Variants in PTPN5 observed in about 807,000 individuals in gnomAD.
The protein encoded by PTPN5 is protein tyrosine phosphatase non-receptor type 5.
A neutral mutation model predicts 73.9 loss-of-function variants in PTPN5; 29 were observed. That is an observed-to-expected ratio of 0.39 (90% confidence interval 0.29 to 0.54). The LOEUF (loss-of-function observed/expected upper bound fraction) is 0.54. Ranked by LOEUF, PTPN5 falls within the 20% of genes least tolerant of loss-of-function variation. PTPN5 has a pLI of 0.65. For missense variants in PTPN5, 652 were observed against 751.4 expected (o/e 0.87, Z 1.55); for synonymous variants, 267 against 304.7 (o/e 0.88, Z 1.29).
At position 18,772,075 on chromosome 11, in the gene PTPN5, G is replaced by T; in HGVS notation, c.-113-4C>A. ...AGGGCAGCTTCAGATCATCCAGCTG[G>T]GAAAACGGGGCAAAGAGAGATTAAG... is the stretch of plus-strand genomic sequence containing the variant. On this transcript the variant is annotated splice_polypyrimidine_tract_variant and splice_region_variant and intron_variant, in intron 1 of 14. Coordinates refer to ENST00000358540, the MANE Select transcript of PTPN5 (RefSeq NM_006906.2). 1.4e-6 allele frequency: 1 copy of T among 719,574 alleles called. No individual in the cohort carries two copies. Among genetic ancestry groups the T allele is most frequent in the Non-Finnish European group, 2.3e-6 (1 of 442,758 alleles). 44.6% of individuals were successfully genotyped at this position (719,574 alleles called of 1,614,324 possible).
intron 9 of PTPN5, among the ~76,000 whole-genome samples, chr11:18,734,188 G>GT (rs1849014897): frequency 6.6e-6 from 1 of 152,242 alleles, no homozygotes. Flanking sequence ...ATAAAGGGCT[G>GT]TTAAGATTCG....
At chr11:18,791,382 G>T (rs1166238093) in intron 1 of PTPN5, 143 bp downstream of exon 1, 1 of 152,262 alleles carries the variant, frequency 6.6e-6, no homozygotes, top group African/African-American at 2.4e-5. Context: ...AGAGCCCCAC[G>T]GGGGCGTGGC....
intron 4 of PTPN5, 51 bp from the exon 5 acceptor site, chr11:18,743,480 G>A: frequency 2.0e-6 from 3 of 1,536,926 alleles, no homozygotes; most frequent in Non-Finnish European, 2.7e-6. Context: ...CTTCCCCCGT[G>A]TTCCCCCAGC....
At chr11:18,767,361 C>T (rs1850688435) in intron 2 of PTPN5, among the ~76,000 whole-genome samples, 1 of 152,212 alleles carries the variant, frequency 6.6e-6, no homozygotes, top group African/African-American at 2.4e-5. Context: ...CTCTGAGAAT[C>T]ACAAGTCCTA....
At chr11:18,790,765 G>A (rs1210183392) in intron 1 of PTPN5, among the ~76,000 whole-genome samples, 1 of 152,102 alleles carries the variant, frequency 6.6e-6, no homozygotes, top group Non-Finnish European at 1.5e-5. Flanking sequence ...GCATGAGTAT[G>A]AAAACCAGGA....
intron 1 of PTPN5, among the ~76,000 whole-genome samples, chr11:18,789,302 C>T (rs1212689122): frequency 1.3e-5 from 2 of 152,192 alleles, no homozygotes; most frequent in Non-Finnish European, 2.9e-5. Flanking sequence ...ATAGCAGTTA[C>T]ATAAATACGT....
At chr11:18,766,137 A>G (rs1227172340) in intron 2 of PTPN5, among the ~76,000 whole-genome samples, 1 of 151,856 alleles carries the variant, frequency 6.6e-6, no homozygotes, top group Non-Finnish European at 1.5e-5. Context: ...CATCATCACC[A>G]TCATCATCAC....
intron 2 of PTPN5, among the ~76,000 whole-genome samples, chr11:18,767,190 CTTCTTGGACTGGCCCTAGGGCCAGT>C (rs1412036872): frequency 6.6e-6 from 1 of 152,236 alleles, no homozygotes; most frequent in East Asian, 1.9e-4. Flanking sequence ...TGCTATCCTG[CTTCTTGGACTGGCCCTAGGGCCAGT>C]TTCAGGCCCA....
At chr11:18,777,987 A>AAAGAAAGG (rs57353847) in intron 1 of PTPN5, among the ~76,000 whole-genome samples, 3 of 113,272 alleles carry the variant, frequency 2.6e-5, no homozygotes, top group African/African-American at 9.0e-5. Context: ...AGAAAGAAAG[A>AAAGAAAGG]AAGAAAGGAA....
chr11:18,772,065 C>A lies in PTPN5; in HGVS notation c.-107G>T. ...TGAAGGAGAGAGGGCAGCTTCAGAT[C>A]ATCCAGCTGGGAAAACGGGGCAAAG... On this transcript the variant is annotated 5_prime_UTR_variant, in exon 2 of 15. It removes an upstream start codon present in the reference 5' UTR. Coordinates refer to ENST00000358540, the MANE Select transcript of PTPN5 (RefSeq NM_006906.2). 1.2e-6 allele frequency: 1 copy of A among 811,676 alleles called. No homozygotes were observed. Among genetic ancestry groups the A allele is most frequent in the Admixed American group, 3.2e-5 (1 of 30,818 alleles). The allele number at this position is 811,676 out of a possible 1,614,324, so 50.3% of individuals were successfully genotyped here. A position where few individuals can be genotyped will look rare whatever the true frequency, so the allele number is the denominator to read the frequency against.
rs746315652 is a variant in PTPN5 at position 18,740,709 on chromosome 11, C to G, written c.809G>C (p.Arg270Pro). 11 of 1,607,380 alleles carry G rather than the reference C, an allele frequency of 6.8e-6. No homozygotes were observed. The highest frequency in any genetic ancestry group is 8.5e-6 in the Non-Finnish European group (10 of 1,176,494). The change falls in exon 8 of 15, where the codon CGT (arginine) becomes CCT (proline). Residue 270 changes from arginine (R) to proline (P), a missense_variant. Arg to Pro is a moderately radical substitution (Grantham distance 103, BLOSUM62 -2). Transcript: ENST00000358540. Reference protein sequence around the residue: ...EEGFGYLMSPREESAREYLLS... With the variant: ...EEGFGYLMSPPEESAREYLLS... ...CAGGTACTCGCGGGCGGACTCCTCA[C>G]GTGGGGACATGAGATAGCCAAAGCC...
chr11:18,737,105 G>A (rs1036080465), intron 9 of PTPN5, among the ~76,000 whole-genome samples: 1 of 152,206 alleles, frequency 6.6e-6, no homozygotes, highest in African/African-American at 2.4e-5. Flanking sequence ...TAGGTTTATG[G>A]GGATTCACTT....
chr11:18,778,811 T>C (rs1334637025), intron 1 of PTPN5, among the ~76,000 whole-genome samples: 1 of 152,210 alleles, frequency 6.6e-6, no homozygotes, highest in Non-Finnish European at 1.5e-5. Flanking sequence ...TGCATTTCTT[T>C]ATAGCAATGC....
chr11:18,758,979 AC>A (rs995822511), intron 3 of PTPN5, among the ~76,000 whole-genome samples: 36 of 151,962 alleles, frequency 2.4e-4, no homozygotes, highest in African/African-American at 8.4e-4. Flanking sequence ...CTCCCCACCA[AC>A]CCTGGCCCCT....
At chr11:18,786,392 C>A (rs111268483) in intron 1 of PTPN5, among the ~76,000 whole-genome samples, 5 of 151,886 alleles carry the variant, frequency 3.3e-5, no homozygotes, top group African/African-American at 1.2e-4. Flanking sequence ...TTAGTAGACA[C>A]GGGATTTCAC....
chr11:18,730,414 G>T (rs1045886745), intron 12 of PTPN5: 1 of 154,996 alleles, frequency 6.5e-6, no homozygotes, highest in Non-Finnish European at 1.4e-5. Context: ...CTGCTCTCCT[G>T]CTGAAAACCT....
chr11:18,738,608 C>T (rs995580161), intron 8 of PTPN5, among the ~76,000 whole-genome samples: 3 of 152,174 alleles, frequency 2.0e-5, no homozygotes, highest in Non-Finnish European at 4.4e-5. Context: ...TGAGTCTGAG[C>T]TTGTGACGTT....
intron 1 of PTPN5, among the ~76,000 whole-genome samples, chr11:18,781,120 G>C (rs1851399704): frequency 6.6e-6 from 1 of 152,090 alleles, no homozygotes. Context: ...AGCCTTCTGA[G>C]ATTGACTCTG....
intron 3 of PTPN5, among the ~76,000 whole-genome samples, chr11:18,758,967 T>C (rs1039954150): frequency 1.3e-5 from 2 of 152,086 alleles, no homozygotes; most frequent in African/African-American, 4.8e-5. Context: ...CGGAGGATCA[T>C]TCTCCCCACC....
Sources: gnomAD v4.1 joint callset for allele counts (sites outside exome capture counted in the v4.1 genomes callset) on GRCh38, gnomAD v4.1.1 for gene constraint, MANE v1.5 for transcripts, NCBI Gene and HGNC (gene_info 2026-07-23, HGNC 2026-07-21) for gene names.